TVP23A: variants seen among roughly 807,000 people sequenced by gnomAD.
TVP23A encodes the protein Golgi apparatus membrane protein TVP23 homolog A.
TVP23A carries 21 observed loss-of-function variants against 31.7 expected under a neutral mutation model. The observed-to-expected ratio is 0.66, with a 90% CI of 0.47 to 0.95. TVP23A has a LOEUF of 0.95. Among genes scored for constraint, TVP23A ranks in the 40% least tolerant of loss-of-function variants. The pLI, the probability that TVP23A is intolerant of heterozygous loss-of-function variation, is 0.00. For synonymous variants in TVP23A, 104 were observed against 96.0 expected, an observed-to-expected ratio of 1.08 and a Z score of -0.49; for missense variants, 279 against 255.6, an observed-to-expected ratio of 1.09 and a Z score of -0.62.
intron 2 of TVP23A, among the ~76,000 whole-genome samples, chr16:10,776,311 G>A (rs935284969): frequency 3.3e-5 from 5 of 151,970 alleles, no homozygotes; most frequent in African/African-American, 1.2e-4. Context: ...GGAGGCGGAG[G>A]TTGCAGTGAG....
At chr16:10,786,128 T>C (rs2032737295) in intron 2 of TVP23A, among the ~76,000 whole-genome samples, 1 of 152,220 alleles carries the variant, frequency 6.6e-6, no homozygotes, top group Non-Finnish European at 1.5e-5. Flanking sequence ...GGGAGTGACT[T>C]TGAATAGAAT....
chr16:10,816,079 T>G (rs2143010136), intron 2 of TVP23A, among the ~76,000 whole-genome samples: 1 of 152,098 alleles, frequency 6.6e-6, no homozygotes, highest in Admixed American at 6.5e-5. Flanking sequence ...TTTTAAAAAA[T>G]TAGCCTGGCA....
intron 2 of TVP23A, among the ~76,000 whole-genome samples, chr16:10,808,954 A>G (rs115389918): frequency 0.014 from 2,118 of 152,266 alleles, 57 homozygotes; most frequent in African/African-American, 0.048. Flanking sequence ...ATTCTGTGAA[A>G]ACAGTGCCTT....
At chr16:10,781,850 C>CTTTTTTT (rs144933462) in intron 2 of TVP23A, among the ~76,000 whole-genome samples, 6 of 90,948 alleles carry the variant, frequency 6.6e-5, no homozygotes, top group Non-Finnish European at 1.1e-4. Flanking sequence ...CTAACACAAT[C>CTTTTTTT]TTTTTTTTTT....
chr16:10,771,804 C>A lies in TVP23A; in HGVS notation c.454-6G>T, dbSNP rs1463745526. On this transcript the variant is annotated splice_polypyrimidine_tract_variant and splice_region_variant and intron_variant, in intron 5 of 7. Transcript: ENST00000299866. ...ATCCCAGCAACCACCAGAGCCTGCA[C>A]TCAGACAAAGAAAGCAAAGGTCACT... 3 of 1,564,680 alleles carry A rather than the reference C, an allele frequency of 1.9e-6. No homozygotes were observed. Among genetic ancestry groups the A allele is most frequent in the Non-Finnish European group, 8.7e-7 (1 of 1,154,072 alleles).
chr16:10,790,459 C>T (rs1464089983), intron 2 of TVP23A, among the ~76,000 whole-genome samples: 1 of 151,716 alleles, frequency 6.6e-6, no homozygotes, highest in Non-Finnish European at 1.5e-5. Flanking sequence ...TAATATTTTG[C>T]ATTTTTTAGT....
intron 2 of TVP23A, among the ~76,000 whole-genome samples, chr16:10,790,751 T>C (rs935498759): frequency 6.6e-6 from 1 of 152,154 alleles, no homozygotes; most frequent in African/African-American, 2.4e-5. Context: ...TTGGGCAAGA[T>C]AGGAAAAAAA....
At chr16:10,803,245 C>CTGTGTGTGTGTG (rs3040297) in intron 2 of TVP23A, among the ~76,000 whole-genome samples, 2,353 of 135,442 alleles carry the variant, frequency 0.017, 85 homozygotes, top group African/African-American at 0.058. Context: ...GATCGCGCCA[C>CTGTGTGTGTGTG]TGTGTGTGTG....
At chr16:10,759,443 G>A (rs1343661710), downstream of TVP23A, among the ~76,000 whole-genome samples, 6 of 152,220 alleles carry the variant, frequency 3.9e-5, no homozygotes, top group Admixed American at 2.6e-4. This position sits in a 1 kb window ranked among gnomAD's most constrained non-coding sequence, Gnocchi z 4.7. Flanking sequence ...GAGAGAAAGT[G>A]TATTTGTCCT....
At chr16:10,812,912 A>T (rs1264903165) in intron 2 of TVP23A, among the ~76,000 whole-genome samples, 1 of 152,120 alleles carries the variant, frequency 6.6e-6, no homozygotes, top group Non-Finnish European at 1.5e-5. Context: ...TTGAAAAAAA[A>T]AGTAAAAAGA....
chr16:10,783,309 C>T (rs898032612), intron 2 of TVP23A, among the ~76,000 whole-genome samples: 1 of 152,178 alleles, frequency 6.6e-6, no homozygotes, highest in Non-Finnish European at 1.5e-5. Context: ...AAACTTACGT[C>T]TGCACAAAAA....
rs2030944359 is a variant in TVP23A, at chr16:10,766,767, A to C, written c.*2335T>G. The C allele has an allele frequency of 2.5e-6, 1 of 396,516 alleles. No homozygotes were observed. Among genetic ancestry groups the C allele is most frequent in the South Asian group, 1.4e-4 (1 of 7,010 alleles). 24.6% of individuals were successfully genotyped at this position (396,516 alleles called of 1,614,324 possible). ...CTGAGAATAGGGGCTCAAAGGCCCC[A>C]TTACAGAGTTTTTGTGTTTAAATAC... On this transcript the variant is annotated 3_prime_UTR_variant, in exon 8 of 8. Transcript: ENST00000299866. This position sits in a 1 kb window ranked among gnomAD's most constrained non-coding sequence, Gnocchi z 4.8.
At chr16:10,800,556 G>T (rs930478054) in intron 2 of TVP23A, among the ~76,000 whole-genome samples, 1 of 152,200 alleles carries the variant, frequency 6.6e-6, no homozygotes, top group African/African-American at 2.4e-5. Context: ...TAACTCAGTG[G>T]TTATTTAATG....
intron 2 of TVP23A, among the ~76,000 whole-genome samples, chr16:10,790,370 C>T (rs570787669): frequency 2.6e-5 from 4 of 151,180 alleles, no homozygotes; most frequent in Non-Finnish European, 5.9e-5. Context: ...CTACAACCTC[C>T]GCCTTCCAGG....
chr16:10,784,242 T>C (rs923467035), intron 2 of TVP23A, among the ~76,000 whole-genome samples: 1 of 151,466 alleles, frequency 6.6e-6, no homozygotes, highest in Non-Finnish European at 1.5e-5. Flanking sequence ...GGAAGGAGAA[T>C]TGCCTGAACC....
Position 10,803,245 on chromosome 16 carries a change from C to CTGTGTGTGTGTGTGTGTGTGTG in TVP23A, c.89+14836_89+14857dup, listed in dbSNP as rs3040297. On this transcript the variant is annotated intron_variant, in intron 2 of 7. Coordinates refer to ENST00000299866, the MANE Select transcript of TVP23A (RefSeq NM_001079512.4). ...GTTGCAGTGAGCCGAGATCGCGCCA[C>CTGTGTGTGTGTGTGTGTGTGTG]TGTGTGTGTGTGTGTGTGTGTGTGT... Among the ~76,000 whole-genome samples the CTGTGTGTGTGTGTGTGTGTGTG allele has an allele frequency of 4.7e-3, 639 of 135,434 alleles. 7 individuals are homozygous for CTGTGTGTGTGTGTGTGTGTGTG. The highest frequency in any genetic ancestry group is 0.011 in the African/African-American group (395 of 34,472). 88.8% of individuals were successfully genotyped at this position (135,434 alleles called of 152,430 possible).
chr16:10,771,663 TACTC>T lies in TVP23A; in HGVS notation c.582+3_582+6del, dbSNP rs1411682082. 6.2e-7 allele frequency: 1 copy of T among 1,613,838 alleles called. No homozygotes were observed. Among genetic ancestry groups the T allele is most frequent in the Admixed American group, 1.7e-5 (1 of 60,010 alleles). On this transcript the variant is annotated splice_donor_5th_base_variant and intron_variant, in intron 6 of 7. Coordinates refer to ENST00000299866, the MANE Select transcript of TVP23A (RefSeq NM_001079512.4). ...AGTGGTCCAAGAGTCAGACCTCAGT[TACTC>T]ACCGTCTGGAACACTGTCTGGGACA...
intron 2 of TVP23A, among the ~76,000 whole-genome samples, chr16:10,783,353 T>A (rs982792828): frequency 6.6e-6 from 1 of 152,184 alleles, no homozygotes; most frequent in Admixed American, 6.5e-5. Context: ...GCTTCATTCA[T>A]AATTGCCAAA....
chr16:10,817,623 G>C (rs1484783157), intron 2 of TVP23A, among the ~76,000 whole-genome samples: 2 of 152,204 alleles, frequency 1.3e-5, no homozygotes, highest in Non-Finnish European at 2.9e-5. Context: ...CCACTGCCAA[G>C]CTTGCTCCCC....
Sources: gnomAD v4.1 joint callset for allele counts (sites outside exome capture counted in the v4.1 genomes callset) on GRCh38, gnomAD v4.1.1 for gene constraint, Gnocchi (gnomAD v3.1) non-coding constraint, MANE v1.5 for transcripts, NCBI Gene and HGNC (gene_info 2026-07-23, HGNC 2026-07-21) for gene names.